The following ANO4 variants were observed in gnomAD, a reference collection of about 807,000 sequenced individuals.
ANO4 encodes anoctamin-4.
A neutral mutation model predicts 141.9 loss-of-function variants in ANO4; 69 were observed. The ratio of observed to expected loss-of-function variants is 0.49; its 90% CI spans 0.40 to 0.59. The LOEUF (loss-of-function observed/expected upper bound fraction) is 0.59, where lower values mean the gene tolerates loss of function less well. Ranked by LOEUF, ANO4 falls within the 20% of genes least tolerant of loss-of-function variation. ANO4 has a pLI of 0.00. For missense variants in ANO4, 894 were observed against 1,162.2 expected, an observed-to-expected ratio of 0.77 and a Z score of 3.36; for synonymous variants, 350 against 394.3, an observed-to-expected ratio of 0.89 and a Z score of 1.33.
intron 5 of ANO4, among the ~76,000 whole-genome samples, chr12:100,959,409 C>G (rs2043309878): frequency 6.6e-6 from 1 of 152,160 alleles, no homozygotes; most frequent in South Asian, 2.1e-4. Context: ...ATCTCTTGAC[C>G]CCTATACTCT....
At chr12:101,012,483 G>C (rs1040601234) in intron 8 of ANO4, among the ~76,000 whole-genome samples, 2 of 152,140 alleles carry the variant, frequency 1.3e-5, no homozygotes, top group African/African-American at 4.8e-5. Context: ...AGTTGTGCAA[G>C]AATCTAAGAA....
At chr12:100,801,647 G>A (rs2034698455) in intron 1 of ANO4, among the ~76,000 whole-genome samples, 1 of 151,502 alleles carries the variant, frequency 6.6e-6, no homozygotes, top group South Asian at 2.1e-4. Context: ...ATAAGGCAGG[G>A]GGTAGAAAGG....
chr12:100,921,842 T>G (rs2041645133), intron 2 of ANO4, among the ~76,000 whole-genome samples: 1 of 152,120 alleles, frequency 6.6e-6, no homozygotes, highest in African/African-American at 2.4e-5. Context: ...AAGAAGAAGA[T>G]GATATCATAA....
chr12:101,086,512 A>T lies in ANO4; in HGVS notation c.1537-148A>T, dbSNP rs2049507273. The T allele has an allele frequency of 6.2e-6, 5 of 811,722 alleles. No homozygotes were observed. The East Asian group carries it at 1.3e-4, about 20-fold the overall frequency. The allele number at this position is 811,722 out of a possible 1,614,324, so 50.3% of individuals were successfully genotyped here. A position where few individuals can be genotyped will look rare whatever the true frequency, so the allele number is the denominator to read the frequency against. On this transcript the variant is annotated intron_variant, in intron 16 of 27. Transcript: ENST00000392977. ...AAGGCAAGAGAAAGTATTAACCACA[A>T]TGAAAAGTATGCATTTGATTGTGAT...
intron 1 of ANO4, among the ~76,000 whole-genome samples, chr12:100,805,900 C>T (rs989698239): frequency 2.0e-5 from 3 of 152,072 alleles, no homozygotes; most frequent in Non-Finnish European, 2.9e-5. Flanking sequence ...CACAAGGTCC[C>T]TGGGAGGAGG....
At chr12:100,909,911 TG>T (rs2041025151) in intron 2 of ANO4, among the ~76,000 whole-genome samples, 1 of 152,208 alleles carries the variant, frequency 6.6e-6, no homozygotes, top group Non-Finnish European at 1.5e-5. Flanking sequence ...TTAAATACAA[TG>T]TTCCCAATTA....
At chr12:100,920,945 G>A (rs563897317) in intron 2 of ANO4, among the ~76,000 whole-genome samples, 1 of 152,244 alleles carries the variant, frequency 6.6e-6, no homozygotes, top group South Asian at 2.1e-4. Flanking sequence ...TGCTCTGTGA[G>A]TCTGTTATCA....
intron 1 of ANO4, chr12:100,885,565 G>C (rs1200258229): frequency 6.6e-6 from 1 of 152,216 alleles, no homozygotes. Flanking sequence ...CAATATCTCT[G>C]TAACTCAGTT....
intron 1 of ANO4, among the ~76,000 whole-genome samples, chr12:100,887,917 A>G (rs992475592): frequency 1.3e-5 from 2 of 152,188 alleles, no homozygotes; most frequent in Non-Finnish European, 2.9e-5. Flanking sequence ...CGTTGTGCCT[A>G]AGTCCACAGA....
rs114273119 is a variant in ANO4 at position 100,761,228 on chromosome 12, A to G, written c.358+21123A>G. ...GGCATCTGTCTAGAAGGCATGAAGA[A>G]GTTTTGGCTGCTTAAGCCCCAGGCC... On this transcript the variant is annotated intron_variant, in intron 3 of 29. Transcript: ENST00000644049. 8.0e-3 allele frequency among the ~76,000 whole-genome samples: 1,222 copies of G among 152,234 alleles called. 20 individuals are homozygous for G. The highest frequency in any genetic ancestry group is 0.028 in the African/African-American group (1,149 of 41,558).
intron 3 of ANO4, among the ~76,000 whole-genome samples, chr12:100,774,145 G>GA (rs955654219): frequency 3.3e-5 from 5 of 151,506 alleles, no homozygotes; most frequent in East Asian, 1.9e-4. Flanking sequence ...AGTCTGTCTT[G>GA]AAAAAAATAT....
intron 1 of ANO4, among the ~76,000 whole-genome samples, chr12:100,724,057 A>G (rs1035827582): frequency 1.3e-5 from 2 of 152,244 alleles, no homozygotes; most frequent in Non-Finnish European, 2.9e-5. Flanking sequence ...TGCCTGTTTC[A>G]TGGATCTTAT....
intron 1 of ANO4, among the ~76,000 whole-genome samples, chr12:100,853,044 T>G: frequency 6.6e-6 from 1 of 152,228 alleles, no homozygotes; most frequent in East Asian, 1.9e-4. Context: ...CCCTGATGAC[T>G]AATGAAGTAG....
At chr12:100,914,140 C>T (rs950892749) in intron 2 of ANO4, among the ~76,000 whole-genome samples, 34 of 152,200 alleles carry the variant, frequency 2.2e-4, no homozygotes, top group African/African-American at 8.0e-4. Flanking sequence ...ATTCTGACTT[C>T]CAGGCCCTCT....
At chr12:100,985,651 C>A (rs1410980558) in intron 7 of ANO4, among the ~76,000 whole-genome samples, 1 of 151,978 alleles carries the variant, frequency 6.6e-6, no homozygotes, top group East Asian at 1.9e-4. Flanking sequence ...TCTTTTGGGG[C>A]GGAGGGTTCT....
Position 101,127,084 on chromosome 12 carries a change from A to T in ANO4, c.*4+10A>T. 6.2e-7 allele frequency: 1 copy of T among 1,607,502 alleles called. No homozygotes were observed. Among genetic ancestry groups the T allele is most frequent in the South Asian group, 1.1e-5 (1 of 90,240 alleles). On this transcript the variant is annotated intron_variant, in intron 27 of 27. Coordinates refer to ENST00000392977, the MANE Select transcript of ANO4 (RefSeq NM_001286615.2). ...GAGTGGCCGTGACCATGTAGGTGAG[A>T]GGTGTGCTCAGCGTCTGAGGCCATT...
chr12:101,093,168 A>G (rs2049847154), intron 17 of ANO4, among the ~76,000 whole-genome samples: 1 of 152,184 alleles, frequency 6.6e-6, no homozygotes, highest in African/African-American at 2.4e-5. Context: ...TGCCATATTA[A>G]TATATCCTAA....
intron 8 of ANO4, among the ~76,000 whole-genome samples, chr12:101,007,746 G>T (rs1177926547): frequency 2.0e-5 from 3 of 152,098 alleles, no homozygotes; most frequent in Non-Finnish European, 4.4e-5. Context: ...TGGAGATAAG[G>T]TCTTGCTCTG....
At chr12:100,730,612 C>T (rs1267900094) in intron 1 of ANO4, among the ~76,000 whole-genome samples, 1 of 152,162 alleles carries the variant, frequency 6.6e-6, no homozygotes, top group Non-Finnish European at 1.5e-5. Context: ...GCACTAAACT[C>T]TGGAAATTGC....
Sources: gnomAD v4.1 joint callset for allele counts (sites outside exome capture counted in the v4.1 genomes callset) on GRCh38, gnomAD v4.1.1 for gene constraint, MANE v1.5 for transcripts, NCBI Gene and HGNC (gene_info 2026-07-23, HGNC 2026-07-21) for gene names.